The following MAST4 variants were observed in gnomAD, a reference collection of about 807,000 sequenced individuals.
MAST4 encodes the protein microtubule associated serine/threonine kinase family member 4.
MAST4 carries 89 observed loss-of-function variants against 162.7 expected under a neutral mutation model. The ratio of observed to expected loss-of-function variants is 0.55; its 90% CI spans 0.46 to 0.65. The LOEUF is 0.65. Among genes scored for constraint, MAST4 ranks in the 30% least tolerant of loss-of-function variants. The probability of loss-of-function intolerance (pLI) is 0.00; values close to 1 mark genes in which losing one functional copy is unlikely to be tolerated. For missense variants in MAST4, 3,153 were observed against 3,374.0 expected (o/e 0.93, Z 1.62); for synonymous variants, 1,479 against 1,361.1 (o/e 1.09, Z -1.91).
intron 4 of MAST4, among the ~76,000 whole-genome samples, chr5:66,981,253 G>A (rs1450191843): frequency 6.6e-6 from 1 of 152,108 alleles, no homozygotes; most frequent in East Asian, 1.9e-4. Context: ...GATGAATACA[G>A]CTATTTAATA....
chr5:66,862,095 G>T (rs368870635), intron 3 of MAST4, among the ~76,000 whole-genome samples: 1 of 152,274 alleles, frequency 6.6e-6, no homozygotes, highest in East Asian at 1.9e-4. Flanking sequence ...AGTCAAAACA[G>T]GTTTGAGGAG....
chr5:66,927,762 T>G (rs1288961416), intron 4 of MAST4, among the ~76,000 whole-genome samples: 1 of 152,190 alleles, frequency 6.6e-6, no homozygotes, highest in Non-Finnish European at 1.5e-5. Context: ...CATGACAAAG[T>G]ATCACATATC....
rs540774345 is a variant in MAST4, at chr5:67,063,783, G to C, written c.763+9291G>C. Among the ~76,000 whole-genome samples the C allele has an allele frequency of 5.9e-5, 9 of 152,278 alleles. No homozygotes were observed. In the South Asian group the frequency reaches 1.9e-3, roughly 32 times the overall value. On this transcript the variant is annotated intron_variant, in intron 5 of 28. Transcript: ENST00000403625. ...CTTTGTTTAGCTAGGGTTGGTTGCT[G>C]AAGTCCCAGCTGGATCTTAATTACA... is the stretch of plus-strand genomic sequence containing the variant.
intron 5 of MAST4, among the ~76,000 whole-genome samples, chr5:67,066,637 G>A (rs1018735107): frequency 3.3e-5 from 5 of 152,046 alleles, no homozygotes; most frequent in Non-Finnish European, 5.9e-5. Context: ...CATTTTGGCT[G>A]TTCCCAGTAT....
intron 11 of MAST4, among the ~76,000 whole-genome samples, chr5:67,112,898 TG>T (rs1012819591): frequency 1.1e-4 from 17 of 152,274 alleles, no homozygotes; most frequent in African/African-American, 4.1e-4. Context: ...TAGGTTCCCC[TG>T]ACAACAAGCT....
intron 3 of MAST4, among the ~76,000 whole-genome samples, chr5:66,854,329 G>T (rs1759523135): frequency 6.6e-6 from 1 of 152,140 alleles, no homozygotes; most frequent in Non-Finnish European, 1.5e-5. Flanking sequence ...GTTATCTATG[G>T]AGTTGTGACC....
In MAST4 at chr5:66,907,158, CGAGAGAGAGAGAGAGA is replaced by C. The variant is rs34963439; in HGVS notation, c.674+7210_674+7225del. Among the ~76,000 whole-genome samples the C allele has an allele frequency of 5.1e-3, 537 of 104,354 alleles. 7 individuals carry two copies. Among genetic ancestry groups the C allele is most frequent in the Middle Eastern group, 0.024 (5 of 212 alleles). 68.5% of individuals were successfully genotyped at this position (104,354 alleles called of 152,430 possible). ...AAAGGAAAAATAACTCTCAGCAAAG[CGAGAGAGAGAGAGAGA>C]GAGAGAGAGAGAGAGAGAGAGAGAG... On this transcript the variant is annotated intron_variant, in intron 4 of 28. Coordinates refer to ENST00000403625, the MANE Select transcript of MAST4 (RefSeq NM_001164664.2).
intron 2 of MAST4, 59 bp from the exon 3 acceptor site, chr5:66,788,608 ATTG>A: frequency 3.5e-5 from 8 of 227,834 alleles, no homozygotes; most frequent in Non-Finnish European, 5.1e-5. Context: ...CCCCACCCCC[ATTG>A]CAATAAGACT....
intron 20 of MAST4, 76 bp from the exon 21 acceptor site, chr5:67,142,345 C>A (rs1049635088): frequency 4.6e-6 from 7 of 1,519,634 alleles, no homozygotes; most frequent in Non-Finnish European, 5.4e-6. Context: ...TAATGTTGAT[C>A]CAGAAAATCA....
At chr5:66,807,326 C>A (rs1322676973) in intron 3 of MAST4, among the ~76,000 whole-genome samples, 3 of 152,064 alleles carry the variant, frequency 2.0e-5, no homozygotes, top group Non-Finnish European at 2.9e-5. Context: ...GAAACCCCGT[C>A]TCTACTAAAA....
intron 4 of MAST4, among the ~76,000 whole-genome samples, chr5:66,965,115 T>C (rs1052975776): frequency 2.0e-5 from 3 of 152,042 alleles, no homozygotes; most frequent in African/African-American, 7.2e-5. Context: ...ATTATACTTA[T>C]TATTGTAAAA....
Position 67,131,837 on chromosome 5 carries a change from A to G in MAST4, c.1979A>G (p.Lys660Arg), listed in dbSNP as rs751079368. Reference protein sequence around the residue: ...VEGGDCATLMKNMGPLPVDMA... With the variant: ...VEGGDCATLMRNMGPLPVDMA... ...GGGGGAGACTGTGCTACTTTAATGA[A>G]AAACATGGGTCCTCTCCCTGTTGAT... Residue 660 changes from lysine to arginine, a missense_variant, in exon 16 of 29, where the codon AAA becomes AGA. This residue lies in a region of MAST4 where 131 missense variants were observed against 253.8 expected (regional missense o/e 0.52). Coordinates refer to ENST00000403625, the MANE Select transcript of MAST4 (RefSeq NM_001164664.2). 4 of 1,613,180 alleles carry G rather than the reference A, an allele frequency of 2.5e-6. No individual in the cohort carries two copies. Among genetic ancestry groups the G allele is most frequent in the Non-Finnish European group, 3.4e-6 (4 of 1,179,324 alleles).
chr5:66,740,334 A>G (rs1160417592), intron 1 of MAST4, among the ~76,000 whole-genome samples: 2 of 152,216 alleles, frequency 1.3e-5, no homozygotes, highest in African/African-American at 4.8e-5. Flanking sequence ...CTTGAGGAAC[A>G]CAGTGAAAAC....
intron 4 of MAST4, among the ~76,000 whole-genome samples, chr5:67,001,076 A>G (rs1428766358): frequency 2.0e-5 from 3 of 152,224 alleles, no homozygotes; most frequent in African/African-American, 7.2e-5. Flanking sequence ...ATATTGACCT[A>G]GACCAGCTAT....
chr5:67,086,743 C>A (rs1457749498), intron 5 of MAST4, among the ~76,000 whole-genome samples: 1 of 152,158 alleles, frequency 6.6e-6, no homozygotes, highest in Non-Finnish European at 1.5e-5. Context: ...TATTGCTTTG[C>A]AGATGGGTGG....
At chr5:66,599,166 T>C (rs1742391349) in intron 1 of MAST4, among the ~76,000 whole-genome samples, 2 of 152,006 alleles carry the variant, frequency 1.3e-5, no homozygotes, top group East Asian at 3.9e-4. Context: ...TCTTATGGAG[T>C]AGAGGAGTGA....
chr5:67,090,084 T>A, intron 5 of MAST4, 78 bp from the exon 6 acceptor site: 1 of 1,029,266 alleles, frequency 9.7e-7, no homozygotes, highest in Non-Finnish European at 1.5e-6. Context: ...AATAAACTTA[T>A]TTCTAAGGAG....
chr5:66,662,526 G>A (rs76345049), intron 1 of MAST4: 72 of 152,196 alleles, frequency 4.7e-4, no homozygotes, highest in African/African-American at 1.6e-3. Flanking sequence ...TAGACACTTC[G>A]TAATATGCTT....
At chr5:67,102,415 G>T in intron 8 of MAST4, 121 bp from the exon 9 acceptor site, 3 of 860,002 alleles carry the variant, frequency 3.5e-6, no homozygotes, top group Non-Finnish European at 6.0e-6. Flanking sequence ...TTTATTATCT[G>T]ATATACTTTT....
Sources: gnomAD v4.1 joint callset for allele counts (sites outside exome capture counted in the v4.1 genomes callset) on GRCh38, gnomAD v4.1.1 for gene constraint, gnomAD v4.1.1 regional missense constraint, MANE v1.5 for transcripts, NCBI Gene and HGNC (gene_info 2026-07-23, HGNC 2026-07-21) for gene names.